The following CSMD2 variants were observed in gnomAD, a reference collection of about 807,000 sequenced individuals.
The protein encoded by CSMD2 is CUB and Sushi multiple domains 2, also known as CUB and sushi domain-containing protein 2.
Under a neutral mutation model 398.5 loss-of-function variants are expected in CSMD2, and 130 were observed. The observed-to-expected ratio is 0.33, with a 90% confidence interval of 0.28 to 0.38. CSMD2 has a LOEUF of 0.38. Among genes scored for constraint, CSMD2 ranks in the 10% least tolerant of loss-of-function variants. CSMD2 has a pLI of 1.00. For synonymous variants in CSMD2, 1,828 were observed against 1,908.5 expected, an observed-to-expected ratio of 0.96 and a Z score of 1.10; for missense variants, 3,829 against 4,764.9, an observed-to-expected ratio of 0.80 and a Z score of 5.78.
intron 5 of CSMD2, chr1:33,863,211 A>G (rs1264990352): frequency 6.6e-6 from 1 of 152,228 alleles, no homozygotes; most frequent in Non-Finnish European, 1.5e-5. Context: ...GCAGTGTCCA[A>G]AGGCCCCCAG....
chr1:33,592,528 G>A, intron 44 of CSMD2: 2 of 717,188 alleles, frequency 2.8e-6, no homozygotes, highest in Non-Finnish European at 2.6e-6. Flanking sequence ...AGTGGCACAG[G>A]CACCACAAAG....
Position 33,625,341 on chromosome 1 carries a change from C to T in CSMD2, c.5297-87G>A, listed in dbSNP as rs1642048061. ...CATACAACGGGTCTGGAACAAAGAC[C>T]GTCTGGATGAAACCCTGGGAGGCTC... On this transcript the variant is annotated intron_variant, in intron 33 of 70. Transcript: ENST00000373381. 3 of 1,283,106 alleles carry T rather than the reference C, an allele frequency of 2.3e-6. No individual in the cohort carries two copies. In the South Asian group the frequency reaches 3.9e-5, roughly 16 times the overall value. 79.5% of individuals were successfully genotyped at this position (1,283,106 alleles called of 1,614,324 possible). A position where few individuals can be genotyped will look rare whatever the true frequency, so the allele number is the denominator to read the frequency against.
intron 21 of CSMD2, among the ~76,000 whole-genome samples, chr1:33,713,973 G>A (rs1024608535): frequency 6.6e-6 from 1 of 152,162 alleles, no homozygotes; most frequent in Non-Finnish European, 1.5e-5. Flanking sequence ...TGTGGACCAC[G>A]AGTGAAGAAT....
At chr1:33,815,635 T>C (rs1657373243) in intron 9 of CSMD2, among the ~76,000 whole-genome samples, 1 of 152,234 alleles carries the variant, frequency 6.6e-6, no homozygotes, top group African/African-American at 2.4e-5. Context: ...AGATGTAGCT[T>C]TGTGCCCTTG....
chr1:34,101,716 G>A (rs1558388803), intron 1 of CSMD2, among the ~76,000 whole-genome samples: 1 of 151,534 alleles, frequency 6.6e-6, no homozygotes, highest in Admixed American at 6.6e-5. Context: ...TTTTCATTGT[G>A]GTATTTTTTT....
At chr1:33,676,299 T>C (rs550836089) in intron 25 of CSMD2, among the ~76,000 whole-genome samples, 180 of 152,296 alleles carry the variant, frequency 1.2e-3, no homozygotes, top group African/African-American at 3.9e-3. Context: ...ATCACAAGCA[T>C]TCCTATACAC....
At chr1:34,056,567 A>G (rs899919201) in intron 2 of CSMD2, among the ~76,000 whole-genome samples, 1 of 152,202 alleles carries the variant, frequency 6.6e-6, no homozygotes, top group Non-Finnish European at 1.5e-5. Context: ...CCCCTTCATC[A>G]AATGTACGGT....
chr1:33,842,990 A>C (rs987682572), intron 6 of CSMD2, among the ~76,000 whole-genome samples: 1 of 152,184 alleles, frequency 6.6e-6, no homozygotes. Flanking sequence ...CATTTAAGTC[A>C]CTGCCTCTTT....
chr1:33,994,978 C>T (rs1247538630), intron 3 of CSMD2, among the ~76,000 whole-genome samples: 2 of 151,690 alleles, frequency 1.3e-5, no homozygotes, highest in Non-Finnish European at 2.9e-5. Flanking sequence ...GCAGAAGAAT[C>T]GCTTGAACCA....
At chr1:34,089,881 C>A (rs1043245265) in intron 1 of CSMD2, among the ~76,000 whole-genome samples, 13 of 152,182 alleles carry the variant, frequency 8.5e-5, no homozygotes, top group African/African-American at 3.1e-4. Context: ...CCCTACCCCA[C>A]TCCTCGTCTC....
rs140773198 is a variant in CSMD2, at chr1:34,118,391, G to A, written c.188-29198C>T. 7.9e-3 allele frequency among the ~76,000 whole-genome samples: 1,195 copies of A among 152,130 alleles called. 23 individuals carry two copies. Among genetic ancestry groups the A allele is most frequent in the African/African-American group, 0.027 (1,117 of 41,494 alleles). On this transcript the variant is annotated intron_variant, in intron 1 of 70. Transcript: ENST00000373381. The stretch of plus-strand genomic sequence containing the variant: ...CATGCTCTCTCTCACCAGTCTATTC[G>A]GTATAATACTGGAAGTCCTTGCCAG...
intron 13 of CSMD2, among the ~76,000 whole-genome samples, chr1:33,766,186 CGT>C (rs528203339): frequency 2.6e-5 from 4 of 151,924 alleles, no homozygotes; most frequent in African/African-American, 4.8e-5. Flanking sequence ...TGTGGGCGCG[CGT>C]GTGTGTGTGG....
chr1:33,998,178 T>C (rs501060), intron 3 of CSMD2, among the ~76,000 whole-genome samples: 26,495 of 151,924 alleles, frequency 0.17, 4,209 homozygotes, highest in East Asian at 0.4. Context: ...GGTGGCTTTA[T>C]AAGAAAATTA....
chr1:33,792,818 G>A (rs180881689), intron 10 of CSMD2, among the ~76,000 whole-genome samples: 11 of 152,304 alleles, frequency 7.2e-5, no homozygotes, highest in African/African-American at 1.9e-4. Context: ...GAGATGATTA[G>A]ACTCTTTCTT....
At chr1:34,138,557 T>C in intron 1 of CSMD2, among the ~76,000 whole-genome samples, 1 of 152,260 alleles carries the variant, frequency 6.6e-6, no homozygotes, top group East Asian at 1.9e-4. Flanking sequence ...TGGCCACTTA[T>C]TTCATTTTCA....
chr1:33,893,295 A>G (rs1380241674), intron 5 of CSMD2, among the ~76,000 whole-genome samples: 1 of 152,128 alleles, frequency 6.6e-6, no homozygotes, highest in Non-Finnish European at 1.5e-5. Flanking sequence ...TATTCTATCT[A>G]TTTTGCAGCT....
At chr1:33,814,074 T>C (rs1657174999) in intron 9 of CSMD2, 2 of 152,306 alleles carry the variant, frequency 1.3e-5, no homozygotes, top group Admixed American at 1.3e-4. Context: ...AGACCTCCAC[T>C]CTGTTGACAG....
chr1:33,588,477 T>C (rs928100891), intron 44 of CSMD2, among the ~76,000 whole-genome samples: 1 of 152,216 alleles, frequency 6.6e-6, no homozygotes, highest in South Asian at 2.1e-4. Flanking sequence ...AATCCTTTCC[T>C]GGAAATCAAA....
intron 25 of CSMD2, among the ~76,000 whole-genome samples, chr1:33,677,001 A>G (rs10914761): frequency 0.015 from 2,330 of 152,358 alleles, 53 homozygotes; most frequent in South Asian, 0.051. Context: ...TAAAACCATA[A>G]AAACCCTAGA....
Sources: gnomAD v4.1 joint callset for allele counts (sites outside exome capture counted in the v4.1 genomes callset) on GRCh38, gnomAD v4.1.1 for gene constraint, MANE v1.5 for transcripts, NCBI Gene and HGNC (gene_info 2026-07-23, HGNC 2026-07-21) for gene names.